FANCB: variants seen among roughly 807,000 people sequenced by gnomAD.
FANCB encodes Fanconi anemia group B protein.
Under a neutral mutation model 38.9 loss-of-function variants are expected in FANCB, and 5 were observed. The ratio of observed to expected loss-of-function variants is 0.13; its 90% CI spans 0.07 to 0.27. The LOEUF (loss-of-function observed/expected upper bound fraction) is 0.27. Among genes scored for constraint, FANCB ranks in the 10% least tolerant of loss-of-function variants. FANCB has a pLI of 1.00. For synonymous variants in FANCB, 236 were observed against 215.4 expected, an observed-to-expected ratio of 1.10 and a Z score of -0.84; for missense variants, 573 against 602.7, an observed-to-expected ratio of 0.95 and a Z score of 0.52.
downstream of FANCB, chrX:14,834,858 T>C (rs1367235522): frequency 3.6e-5 from 21 of 587,177 alleles, no homozygotes; most frequent in Non-Finnish European, 5.5e-5. Context: ...AAGTTTTACC[T>C]TTTTCTGTGG....
the FANCB span, among the ~76,000 whole-genome samples, chrX:14,709,593 G>A: frequency 8.0e-5 from 9 of 112,108 alleles, no homozygotes; most frequent in South Asian, 3.7e-4. Flanking sequence ...AGCTATAAGC[G>A]ACAGTGAACA....
the FANCB span, among the ~76,000 whole-genome samples, chrX:14,795,545 A>G: frequency 8.9e-6 from 1 of 111,794 alleles, no homozygotes; most frequent in Non-Finnish European, 1.9e-5. Context: ...AGATTCACCT[A>G]TGAAAAGGGG....
At chrX:14,796,321 T>G in the FANCB span, among the ~76,000 whole-genome samples, 768 of 107,413 alleles carry the variant, frequency 7.1e-3, 13 homozygotes, top group African/African-American at 0.025. Context: ...AAAGCTGTAT[T>G]AGTCAGAGTT....
chrX:14,872,514 G>GGCAA (rs1384939022), intron 1 of FANCB, among the ~76,000 whole-genome samples: 1 of 110,155 alleles, frequency 9.1e-6, no homozygotes, highest in East Asian at 2.9e-4. Context: ...GAGGATGTTT[G>GGCAA]GCAGCTTCCC....
At chrX:14,758,241 G>C in the FANCB span, among the ~76,000 whole-genome samples, 2 of 111,288 alleles carry the variant, frequency 1.8e-5, no homozygotes, top group African/African-American at 6.5e-5. Context: ...TCTGAGCTCA[G>C]ACAAGCCTAA....
the FANCB span, among the ~76,000 whole-genome samples, chrX:14,696,123 G>T: frequency 3.8e-5 from 4 of 105,391 alleles, no homozygotes; most frequent in African/African-American, 1.4e-4. Flanking sequence ...TGAAAGAAGA[G>T]AATGTAGAAG....
chrX:14,816,603 A>G, the FANCB span, among the ~76,000 whole-genome samples: 1 of 112,413 alleles, frequency 8.9e-6, no homozygotes, highest in Non-Finnish European at 1.9e-5. Context: ...TGTGCATTGC[A>G]GGATGTGTTA....
chrX:14,840,502 C>G (rs2092352241), downstream of FANCB, among the ~76,000 whole-genome samples: 1 of 111,461 alleles, frequency 9.0e-6, no homozygotes, highest in Non-Finnish European at 1.9e-5. Context: ...TGAGATTCAC[C>G]TCCCCAATCA....
chrX:14,838,846 G>C (rs2092347469), downstream of FANCB, among the ~76,000 whole-genome samples: 1 of 112,111 alleles, frequency 8.9e-6, no homozygotes, highest in Non-Finnish European at 1.9e-5. Context: ...TTTTTATATA[G>C]CAATACTATT....
At chrX:14,703,626 T>C in the FANCB span, among the ~76,000 whole-genome samples, 1 of 111,607 alleles carries the variant, frequency 9.0e-6, no homozygotes. Context: ...CAAACAGCAA[T>C]GGTTTCCACT....
the FANCB span, among the ~76,000 whole-genome samples, chrX:14,707,853 AATC>A: frequency 9.0e-6 from 1 of 111,044 alleles, no homozygotes; most frequent in Admixed American, 9.5e-5. Flanking sequence ...GACAATTAGA[AATC>A]ATATATATTT....
At chrX:14,825,359 T>C in the FANCB span, among the ~76,000 whole-genome samples, 1 of 112,083 alleles carries the variant, frequency 8.9e-6, no homozygotes, top group South Asian at 3.7e-4. Context: ...CACATGTCTA[T>C]TATATGCTAG....
chrX:14,832,787 G>A (rs1474962141), downstream of FANCB, among the ~76,000 whole-genome samples: 1 of 111,869 alleles, frequency 8.9e-6, no homozygotes, highest in Non-Finnish European at 1.9e-5. Flanking sequence ...TAACATGTGG[G>A]GGGCCAACTT....
At chrX:14,805,821 G>A in the FANCB span, among the ~76,000 whole-genome samples, 3 of 111,627 alleles carry the variant, frequency 2.7e-5, no homozygotes, top group Non-Finnish European at 3.8e-5. Flanking sequence ...TACATGGCCC[G>A]TTCTGACTGC....
chrX:14,861,273 A>G (rs1057018979), intron 3 of FANCB, among the ~76,000 whole-genome samples: 1 of 112,164 alleles, frequency 8.9e-6, no homozygotes, highest in Admixed American at 9.5e-5. Flanking sequence ...CCTAAGAAGA[A>G]AAAAGTTAAT....
the FANCB span, among the ~76,000 whole-genome samples, chrX:14,816,198 A>C: frequency 1.8e-5 from 2 of 112,656 alleles, no homozygotes; most frequent in Non-Finnish European, 3.8e-5. Context: ...AAATGTACAA[A>C]TATAAAATAA....
chrX:14,796,227 T>C, the FANCB span, among the ~76,000 whole-genome samples: 2 of 109,879 alleles, frequency 1.8e-5, no homozygotes, highest in Admixed American at 1.0e-4. Context: ...GCTCAGCATC[T>C]CTTGCACATT....
chrX:14,821,510 C>T, the FANCB span, among the ~76,000 whole-genome samples: 1 of 112,117 alleles, frequency 8.9e-6, no homozygotes, highest in Non-Finnish European at 1.9e-5. Flanking sequence ...AACCCTCAGT[C>T]ACACAGCTGA....
intron 7 of FANCB, among the ~76,000 whole-genome samples, chrX:14,847,629 G>A (rs1311973061): frequency 4.6e-5 from 5 of 108,008 alleles, no homozygotes; most frequent in Non-Finnish European, 9.6e-5. Context: ...ACAGTTTGAG[G>A]AAGCTCAACA....
Sources: allele counts gnomAD v4.1 joint callset (sites outside exome capture counted in the v4.1 genomes callset), GRCh38; gene constraint gnomAD v4.1.1; transcripts MANE v1.5; gene names NCBI Gene and HGNC (gene_info 2026-07-23, HGNC 2026-07-21).